The following KCNIP4 variants were observed in gnomAD, a reference collection of about 807,000 sequenced individuals.
KCNIP4 encodes the protein Kv channel-interacting protein 4.
In KCNIP4, 12 loss-of-function variants were observed where a neutral mutation model predicts 34.0. That is an observed-to-expected ratio of 0.35 (90% confidence interval 0.23 to 0.57). KCNIP4 has a LOEUF of 0.57. Among genes scored for constraint, KCNIP4 ranks in the 20% least tolerant of loss-of-function variants. KCNIP4 has a pLI of 0.83. For synonymous variants in KCNIP4, 124 were observed against 102.2 expected, an observed-to-expected ratio of 1.21 and a Z score of -1.29; for missense variants, 238 against 311.7, an observed-to-expected ratio of 0.76 and a Z score of 1.78.
chr4:21,249,254 C>A (rs1013939852), intron 1 of KCNIP4, among the ~76,000 whole-genome samples: 3 of 151,910 alleles, frequency 2.0e-5, no homozygotes, highest in Admixed American at 6.6e-5. Flanking sequence ...ATAACCATAT[C>A]AAAAACAGGC....
chr4:21,641,615 A>G lies in KCNIP4; in HGVS notation c.61+306956T>C, dbSNP rs970004771. ...AGACATCTCTGAATGGGTGAAAATC[A>G]TGAAGATATTTGTGTGCCATGTGAA... On this transcript the variant is annotated intron_variant, in intron 1 of 8. Coordinates refer to ENST00000382152, the MANE Select transcript of KCNIP4 (RefSeq NM_025221.6). Among the ~76,000 whole-genome samples, 38 of 152,192 alleles carry G rather than the reference A, an allele frequency of 2.5e-4. 1 individual carries two copies. The highest frequency in any genetic ancestry group is 8.0e-4 in the African/African-American group (33 of 41,458).
At chr4:20,809,370 G>T (rs1715452179) in intron 3 of KCNIP4, among the ~76,000 whole-genome samples, 1 of 152,168 alleles carries the variant, frequency 6.6e-6, no homozygotes, top group Non-Finnish European at 1.5e-5. Context: ...AGCTTTTGGA[G>T]AATGTTTTTT....
chr4:21,344,274 G>A (rs1717065123), intron 1 of KCNIP4, among the ~76,000 whole-genome samples: 1 of 152,114 alleles, frequency 6.6e-6, no homozygotes, highest in Non-Finnish European at 1.5e-5. Context: ...ACGTTAAGTT[G>A]CCAAGGAGAA....
At chr4:21,102,883 T>C (rs1748071207) in intron 1 of KCNIP4, among the ~76,000 whole-genome samples, 2 of 152,188 alleles carry the variant, frequency 1.3e-5, no homozygotes, top group African/African-American at 2.4e-5. Flanking sequence ...AATTTCACTT[T>C]GTTTCCTTTC....
At position 21,400,531 on chromosome 4, in the gene KCNIP4, T is replaced by C. The variant is rs1429940057; in HGVS notation, c.62-517822A>G. Among the ~76,000 whole-genome samples the C allele has an allele frequency of 5.7e-3, 368 of 64,166 alleles. 6 individuals carry two copies. Among genetic ancestry groups the C allele is most frequent in the African/African-American group, 0.021 (339 of 16,252 alleles). 42.1% of individuals were successfully genotyped at this position (64,166 alleles called of 152,430 possible). A position where few individuals can be genotyped will look rare whatever the true frequency, so the allele number is the denominator to read the frequency against. Reference sequence around the variant, plus strand: ...TCCCTTCCTCTTCTCTTCTCTTCTCTTCTCTTCTCTTCTCTTCTCTTCTCT... The same window carrying C: ...TCCCTTCCTCTTCTCTTCTCTTCTCCTCTCTTCTCTTCTCTTCTCTTCTCT... On this transcript the variant is annotated intron_variant, in intron 1 of 8. Transcript: ENST00000382152.
chr4:20,972,942 C>G (rs889963167), intron 1 of KCNIP4, among the ~76,000 whole-genome samples: 1 of 152,138 alleles, frequency 6.6e-6, no homozygotes, highest in Non-Finnish European at 1.5e-5. Context: ...CAAACTAGAA[C>G]AAATGAGGAC....
intron 1 of KCNIP4, among the ~76,000 whole-genome samples, chr4:21,632,004 C>T (rs1458133379): frequency 6.6e-6 from 1 of 152,182 alleles, no homozygotes. Context: ...ATCAGGCTTT[C>T]TACATCTTTG....
chr4:21,819,350 C>T (rs1189331667), intron 1 of KCNIP4, among the ~76,000 whole-genome samples: 1 of 152,222 alleles, frequency 6.6e-6, no homozygotes, highest in East Asian at 1.9e-4. Context: ...CTGCACAACA[C>T]ACACTGTGCC....
chr4:21,717,015 T>C (rs1047453573), intron 1 of KCNIP4, among the ~76,000 whole-genome samples: 2 of 152,192 alleles, frequency 1.3e-5, no homozygotes, highest in East Asian at 1.9e-4. Context: ...TATTTCCCCA[T>C]CTGATGGGTT....
At chr4:21,068,356 CAA>C (rs1744595574) in intron 1 of KCNIP4, among the ~76,000 whole-genome samples, 1 of 152,148 alleles carries the variant, frequency 6.6e-6, no homozygotes, top group South Asian at 2.1e-4. Context: ...TAAAGTTTAT[CAA>C]GTCATCACCT....
intron 1 of KCNIP4, among the ~76,000 whole-genome samples, chr4:21,466,091 T>C (rs1729906249): frequency 6.6e-6 from 1 of 152,192 alleles, no homozygotes; most frequent in Non-Finnish European, 1.5e-5. Flanking sequence ...AAGTTCACTA[T>C]GCTCTACCCA....
intron 3 of KCNIP4, among the ~76,000 whole-genome samples, chr4:20,787,371 G>A (rs1395300683): frequency 6.6e-6 from 1 of 152,122 alleles, no homozygotes; most frequent in African/African-American, 2.4e-5. Context: ...TGCTGTTTGA[G>A]AATGCTATAT....
chr4:21,671,207 A>T (rs1749479707), intron 1 of KCNIP4, among the ~76,000 whole-genome samples: 1 of 152,166 alleles, frequency 6.6e-6, no homozygotes, highest in Non-Finnish European at 1.5e-5. Context: ...TTAAATTGTG[A>T]ACAGTCAGAG....
chr4:20,729,474 A>AT lies in KCNIP4; in HGVS notation c.*607dup, dbSNP rs1747256444. 8.4e-6 allele frequency: 1 copy of AT among 118,420 alleles called. No homozygotes were observed. The highest frequency in any genetic ancestry group is 2.0e-4 in the East Asian group (1 of 5,030). The allele number at this position is 118,420 out of a possible 1,614,324, so 7.3% of individuals were successfully genotyped here. A position where few individuals can be genotyped will look rare whatever the true frequency, so the allele number is the denominator to read the frequency against. On this transcript the variant is annotated 3_prime_UTR_variant, in exon 9 of 9. Coordinates refer to ENST00000382152, the MANE Select transcript of KCNIP4 (RefSeq NM_025221.6). ...TATGCTGATATCTGATAATAAACTA[A>AT]TTTTTAAATGTTTAATAATTTTTAA... is the stretch of plus-strand genomic sequence containing the variant.
intron 1 of KCNIP4, among the ~76,000 whole-genome samples, chr4:21,203,341 G>A (rs962147594): frequency 2.0e-5 from 3 of 147,198 alleles, no homozygotes; most frequent in African/African-American, 8.2e-5. Context: ...CTGGATGATT[G>A]GCAGAAAAAA....
At chr4:21,004,979 T>C (rs748832123) in intron 1 of KCNIP4, among the ~76,000 whole-genome samples, 2 of 152,006 alleles carry the variant, frequency 1.3e-5, no homozygotes, top group African/African-American at 4.8e-5. Context: ...AGACAAGTGA[T>C]AGAACATCTC....
At chr4:20,890,928 C>T (rs919710444) in intron 1 of KCNIP4, among the ~76,000 whole-genome samples, 2 of 152,142 alleles carry the variant, frequency 1.3e-5, no homozygotes, top group Non-Finnish European at 2.9e-5. Context: ...AGTGGTCATT[C>T]TCCACTGGCT....
intron 1 of KCNIP4, among the ~76,000 whole-genome samples, chr4:21,866,078 C>T (rs575463063): frequency 9.7e-4 from 148 of 152,118 alleles, no homozygotes; most frequent in Middle Eastern, 3.4e-3. Flanking sequence ...GAAATGATTG[C>T]CACGGCTGCA....
rs1251842921 is a variant in KCNIP4 at position 20,730,056 on chromosome 4, G to GTTGGATTCAGGATCTATT, written c.*8_*25dup. 1 of 1,600,936 alleles carries GTTGGATTCAGGATCTATT rather than the reference G, an allele frequency of 6.2e-7. No homozygotes were observed. The highest frequency in any genetic ancestry group is 1.3e-5 in the African/African-American group (1 of 74,242). ...GTGGTAGAATAGTTCACATTTGTCT[G>GTTGGATTCAGGATCTATT]TTGGATTCAGGATCTATTTGACAAG... On this transcript the variant is annotated 3_prime_UTR_variant, in exon 9 of 9. Coordinates refer to ENST00000382152, the MANE Select transcript of KCNIP4 (RefSeq NM_025221.6).
Sources: allele counts gnomAD v4.1 joint callset (sites outside exome capture counted in the v4.1 genomes callset), GRCh38; gene constraint gnomAD v4.1.1; transcripts MANE v1.5; gene names NCBI Gene and HGNC (gene_info 2026-07-23, HGNC 2026-07-21).